MYOM2: variants seen among roughly 807,000 people sequenced by gnomAD.
The protein encoded by MYOM2 is myomesin 2.
In MYOM2, 254 loss-of-function variants were observed where a neutral mutation model predicts 187.6. The observed-to-expected ratio is 1.35, with a 90% confidence interval of 1.22 to 1.50. The LOEUF is 1.50. MYOM2 is among the 40% of genes most tolerant of loss of function. The probability of loss-of-function intolerance (pLI) is 0.00; values close to 1 mark genes in which losing one functional copy is unlikely to be tolerated. For missense variants in MYOM2, 2,796 were observed against 1,924.0 expected (o/e 1.45, Z -8.48); for synonymous variants, 981 against 753.8 (o/e 1.30, Z -4.94).
At chr8:2,120,767 T>C (rs1448846192) in intron 28 of MYOM2, among the ~76,000 whole-genome samples, 1 of 130,886 alleles carries the variant, frequency 7.6e-6, no homozygotes, top group Non-Finnish European at 1.6e-5. Context: ...CCTTCCTCTC[T>C]TCTTGAAAGA....
intron 32 of MYOM2, among the ~76,000 whole-genome samples, chr8:2,133,437 C>T (rs113662213): frequency 0.02 from 3,077 of 152,230 alleles, 96 homozygotes; most frequent in African/African-American, 0.071. Context: ...GCCTCGGAGG[C>T]GCCGGCTCTG....
At chr8:2,100,047 T>C (rs1350086046) in intron 19 of MYOM2, among the ~76,000 whole-genome samples, 1 of 112,522 alleles carries the variant, frequency 8.9e-6, no homozygotes, top group Non-Finnish European at 2.0e-5. Context: ...CTTCCTTCCT[T>C]CTTTCCTTCC....
At chr8:2,063,128 G>A (rs1244190811) in intron 6 of MYOM2, among the ~76,000 whole-genome samples, 4 of 152,180 alleles carry the variant, frequency 2.6e-5, no homozygotes, top group African/African-American at 7.2e-5. Context: ...GTCCTAGGAA[G>A]CTCCAAACAG....
chr8:2,094,170 A>T, intron 17 of MYOM2, 79 bp downstream of exon 17: 7 of 1,545,100 alleles, frequency 4.5e-6, no homozygotes, highest in Non-Finnish European at 6.2e-6. Flanking sequence ...TTGTGATGCC[A>T]TTTGGAATGT....
At chr8:2,064,835 G>C (rs1818964142) in intron 6 of MYOM2, among the ~76,000 whole-genome samples, 1 of 152,104 alleles carries the variant, frequency 6.6e-6, no homozygotes, top group African/African-American at 2.4e-5. Flanking sequence ...TACATTCTTA[G>C]ACAAGGTTTA....
chr8:2,089,906 G>C, intron 14 of MYOM2, 102 bp from the exon 15 acceptor site: 1 of 1,108,892 alleles, frequency 9.0e-7, no homozygotes, highest in Non-Finnish European at 1.3e-6. Context: ...GGCGCGCCTG[G>C]TGGTCCTGGG....
intron 29 of MYOM2, 41 bp from the exon 30 acceptor site, chr8:2,123,514 G>C: frequency 1.3e-6 from 2 of 1,561,570 alleles, no homozygotes; most frequent in Non-Finnish European, 1.8e-6. Context: ...TAAGATTGCA[G>C]TATTGACTTT....
At chr8:2,128,798 G>C (rs1032218165) in intron 31 of MYOM2, among the ~76,000 whole-genome samples, 10 of 152,180 alleles carry the variant, frequency 6.6e-5, no homozygotes, top group Non-Finnish European at 1.3e-4. Context: ...AACTCACGTA[G>C]CATTTGCCAT....
intron 32 of MYOM2, among the ~76,000 whole-genome samples, chr8:2,134,495 C>G (rs975960504): frequency 6.8e-6 from 1 of 147,234 alleles, no homozygotes; most frequent in Non-Finnish European, 1.5e-5. Flanking sequence ...CTTGGCAAGT[C>G]TCTTGTCCCT....
intron 32 of MYOM2, among the ~76,000 whole-genome samples, chr8:2,135,577 T>A: frequency 6.6e-6 from 1 of 152,190 alleles, no homozygotes; most frequent in African/African-American, 2.4e-5. Context: ...TCCTGCTGGT[T>A]GCTTTAGCAC....
intron 13 of MYOM2, among the ~76,000 whole-genome samples, chr8:2,082,803 T>A (rs116858535): frequency 6.6e-6 from 1 of 152,212 alleles, no homozygotes; most frequent in African/African-American, 2.4e-5. Flanking sequence ...ACATGCTCAG[T>A]CATTTGCTCT....
At chr8:2,068,148 C>CG (rs752825635) in intron 6 of MYOM2, among the ~76,000 whole-genome samples, 22 of 149,978 alleles carry the variant, frequency 1.5e-4, no homozygotes, top group Non-Finnish European at 1.9e-4. Context: ...GAGAGCATAC[C>CG]GGGGGGCGGC....
chr8:2,141,208 T>C, intron 34 of MYOM2, 31 bp downstream of exon 34: 3 of 1,600,710 alleles, frequency 1.9e-6, no homozygotes, highest in Non-Finnish European at 2.6e-6. Flanking sequence ...TACTATGATA[T>C]CCTGTGGGCA....
intron 26 of MYOM2, 34 bp downstream of exon 26, chr8:2,116,138 A>G (rs1307284788): frequency 1.2e-6 from 2 of 1,604,582 alleles, no homozygotes. Context: ...CGTCCATACA[A>G]GATAATTCAA....
intron 1 of MYOM2, among the ~76,000 whole-genome samples, chr8:2,049,112 G>T (rs1401431291): frequency 6.6e-6 from 1 of 152,140 alleles, no homozygotes; most frequent in African/African-American, 2.4e-5. Flanking sequence ...GTTCTATGAG[G>T]TGCAACGTTC....
In MYOM2 at chr8:2,106,224, C is replaced by T. The variant is rs200295360; in HGVS notation, c.2735-18C>T. The T allele has an allele frequency of 3.3e-5, 54 of 1,613,504 alleles. No individual in the cohort carries two copies. In the African/African-American group the frequency reaches 6.1e-4, roughly 18 times the overall value. ...CACCGTGTCCCTAAGCCGCTCACTTCATACTCTTCTTATGCAGGCACCAAG... is the reference window on the plus strand; with the variant it reads ...CACCGTGTCCCTAAGCCGCTCACTTTATACTCTTCTTATGCAGGCACCAAG... On this transcript the variant is annotated intron_variant, in intron 21 of 36. Transcript: ENST00000262113.
In MYOM2 at chr8:2,143,453, G is replaced by A. The variant is rs1185743295; in HGVS notation, c.4077G>A (p.Gly1359=). 6.2e-7 allele frequency: 1 copy of A among 1,614,020 alleles called. No homozygotes were observed. Among genetic ancestry groups the A allele is most frequent in the Non-Finnish European group, 8.5e-7 (1 of 1,180,046 alleles). ...GLPDVVTIME[G]KTLNLTCTVF... ...CTGACGTGGTGACCATCATGGAAGGGAAGGTGAGGATTCTAAACTCGGCCG... is the reference window on the plus strand; with the variant it reads ...CTGACGTGGTGACCATCATGGAAGGAAAGGTGAGGATTCTAAACTCGGCCG... Residue 1359 remains glycine, a synonymous_variant, in exon 36 of 37, where the codon GGG becomes GGA. Coordinates refer to ENST00000262113, the MANE Select transcript of MYOM2 (RefSeq NM_003970.4).
At chr8:2,046,552 C>T (rs1389786769) in intron 1 of MYOM2, among the ~76,000 whole-genome samples, 2 of 152,158 alleles carry the variant, frequency 1.3e-5, no homozygotes, top group South Asian at 2.1e-4. Flanking sequence ...TACACACAGG[C>T]TGTCCAAGCT....
At chr8:2,066,257 C>G (rs1297365856) in intron 6 of MYOM2, among the ~76,000 whole-genome samples, 2 of 152,230 alleles carry the variant, frequency 1.3e-5, no homozygotes, top group East Asian at 1.9e-4. Flanking sequence ...TGGTTTATGG[C>G]TCCCTCCTTG....
Sources: gnomAD v4.1 joint callset for allele counts (sites outside exome capture counted in the v4.1 genomes callset) on GRCh38, gnomAD v4.1.1 for gene constraint, MANE v1.5 for transcripts, NCBI Gene and HGNC (gene_info 2026-07-23, HGNC 2026-07-21) for gene names.